The following OGT variants were observed in gnomAD, a reference collection of about 807,000 sequenced individuals.
The protein encoded by OGT is UDP-N-acetylglucosamine--peptide N-acetylglucosaminyltransferase 110 kDa subunit.
OGT carries 3 observed loss-of-function variants against 75.8 expected under a neutral mutation model. That is an observed-to-expected ratio of 0.04 (90% CI 0.02 to 0.10). The LOEUF (loss-of-function observed/expected upper bound fraction) is 0.10, where lower values mean the gene tolerates loss of function less well. Among genes scored for constraint, OGT ranks in the 10% least tolerant of loss-of-function variants. The pLI is 1.00. For synonymous variants in OGT, 257 were observed against 289.7 expected, an observed-to-expected ratio of 0.89 and a Z score of 1.15; for missense variants, 260 against 824.4, an observed-to-expected ratio of 0.32 and a Z score of 8.38.
chrX:71,534,403 T>G (rs1319873413), intron 1 of OGT: 1 of 111,011 alleles, frequency 9.0e-6, no homozygotes, highest in Non-Finnish European at 1.9e-5. Flanking sequence ...AACCAAATTG[T>G]AGGAGTGTCC....
At chrX:71,571,061 A>G (rs1427790068) in intron 21 of OGT, among the ~76,000 whole-genome samples, 2 of 109,027 alleles carry the variant, frequency 1.8e-5, no homozygotes, top group Non-Finnish European at 3.8e-5. Flanking sequence ...TCGGCCTCCC[A>G]AAGTGGCGGG....
At chrX:71,547,559 A>C in intron 4 of OGT, 1 of 811,088 alleles carries the variant, frequency 1.2e-6, no homozygotes, top group Non-Finnish European at 1.5e-6. Flanking sequence ...AAAACATGAC[A>C]AGGGCCCGTA....
intron 2 of OGT, among the ~76,000 whole-genome samples, chrX:71,537,594 C>T (rs2040188186): frequency 1.8e-5 from 2 of 112,942 alleles, no homozygotes; most frequent in African/African-American, 6.4e-5. Flanking sequence ...TGAGCCACTG[C>T]GCCCAGCCAA....
chrX:71,553,258 A>T (rs910701860), intron 5 of OGT, among the ~76,000 whole-genome samples: 17 of 110,422 alleles, frequency 1.5e-4, no homozygotes, highest in African/African-American at 5.3e-4. Context: ...TGCCCGGCTA[A>T]TTTTTTGTAT....
Position 71,573,806 on chromosome X carries a change from A to G in OGT, c.*12A>G, listed in dbSNP as rs1377089287. The G allele has an allele frequency of 1.7e-6, 2 of 1,170,455 alleles. No homozygotes were observed. The highest frequency in any genetic ancestry group is 3.5e-5 in the African/African-American group (2 of 56,731). On this transcript the variant is annotated 3_prime_UTR_variant, in exon 22 of 22. Transcript: ENST00000373719. ...CTGAGTCAGCATAAATAAAGACTGC[A>G]CAGGAGAATTACCCCTATACCTGAG... is the stretch of plus-strand genomic sequence containing the variant.
intron 3 of OGT, among the ~76,000 whole-genome samples, chrX:71,542,114 C>CT (rs1023628358): frequency 1.8e-5 from 2 of 112,192 alleles, no homozygotes; most frequent in Non-Finnish European, 3.8e-5. Context: ...GATTCTATAT[C>CT]TTTTCCCTAT....
intron 14 of OGT, among the ~76,000 whole-genome samples, chrX:71,560,696 C>A (rs2040377371): frequency 9.0e-6 from 1 of 111,724 alleles, no homozygotes; most frequent in African/African-American, 3.3e-5. Context: ...TGCAGTATAG[C>A]TGTTGCTTCA....
chrX:71,544,685 A>T (rs1198770512), intron 4 of OGT, 50 bp downstream of exon 4: 2 of 1,026,706 alleles, frequency 1.9e-6, no homozygotes, highest in Non-Finnish European at 2.7e-6. Flanking sequence ...GAAAACTTGT[A>T]CTTTTTGCCA....
rs1393034082 is a variant in OGT at position 71,567,519 on chromosome X, A to G, written c.2609A>G (p.Asn870Ser). 1.7e-6 allele frequency: 2 copies of G among 1,168,735 alleles called. No individual in the cohort carries two copies. The highest frequency in any genetic ancestry group is 2.3e-6 in the Non-Finnish European group (2 of 868,017). The change falls in exon 20 of 22, where the codon AAT (asparagine) becomes AGT (serine). Residue 870 changes from asparagine (N) to serine (S), a missense_variant. This residue lies in a region of OGT where 79 missense variants were observed against 141.0 expected (regional missense o/e 0.56). Coordinates refer to ENST00000373719, the MANE Select transcript of OGT (RefSeq NM_181672.3). ...MWANILKRVPNSVLWLLRFPA... is the reference protein window; with the variant it reads ...MWANILKRVPSSVLWLLRFPA... ...TTTTAGATTCTGAAGCGTGTTCCCA[A>G]TAGTGTACTCTGGCTGTTGCGTTTT... is the stretch of plus-strand genomic sequence containing the variant.
Position 71,537,752 on chromosome X carries a change from G to GT in OGT, c.219-74dup. The GT allele has an allele frequency of 2.7e-6, 3 of 1,119,528 alleles. No individual in the cohort carries two copies. The African/African-American group carries it at 5.4e-5, about 20-fold the overall frequency. 92.3% of individuals were successfully genotyped at this position (1,119,528 alleles called of 1,213,427 possible). A position where few individuals can be genotyped will look rare whatever the true frequency, so the allele number is the denominator to read the frequency against. On this transcript the variant is annotated intron_variant, in intron 2 of 21. Coordinates refer to ENST00000373719, the MANE Select transcript of OGT (RefSeq NM_181672.3). ...TGAGCAATAGCACAGATCTCAAACTGTTTGAGTTGCATATGGGCCATACCT... is the reference window on the plus strand; with the variant it reads ...TGAGCAATAGCACAGATCTCAAACTGTTTTGAGTTGCATATGGGCCATACCT...
chrX:71,533,155 G>A lies in OGT; in HGVS notation c.-145G>A, dbSNP rs914569178. 1.5e-5 allele frequency: 8 copies of A among 542,199 alleles called. No homozygotes were observed. Among genetic ancestry groups the A allele is most frequent in the African/African-American group, 9.1e-5 (4 of 43,759 alleles). The allele number at this position is 542,199 out of a possible 1,213,427, so 44.7% of individuals were successfully genotyped here. ...TCAATTAGAGTTCCCAGGGTTTGAA[G>A]CCTGTAACTGCTGCCGCCGCTCAAG... On this transcript the variant is annotated 5_prime_UTR_variant, in exon 1 of 22. Coordinates refer to ENST00000373719, the MANE Select transcript of OGT (RefSeq NM_181672.3).
chrX:71,541,227 A>G (rs776318684), intron 3 of OGT, among the ~76,000 whole-genome samples: 25 of 112,066 alleles, frequency 2.2e-4, no homozygotes, highest in Non-Finnish European at 3.9e-4. Flanking sequence ...CATCCTGGCC[A>G]TCATGTGTGT....
chrX:71,545,316 G>A (rs2040251856), intron 4 of OGT: 1 of 111,657 alleles, frequency 9.0e-6, no homozygotes, highest in Non-Finnish European at 1.9e-5. Context: ...AAGGTCAGAA[G>A]GACAAAGCTG....
intron 1 of OGT, among the ~76,000 whole-genome samples, chrX:71,534,684 A>G (rs5936630): frequency 0.17 from 18,981 of 110,588 alleles, 1,523 homozygotes; most frequent in East Asian, 0.46. Flanking sequence ...AAGATTCTGT[A>G]CTGGATTCTG....
intron 21 of OGT, among the ~76,000 whole-genome samples, chrX:71,572,971 G>A (rs1242378486): frequency 9.0e-6 from 1 of 111,188 alleles, no homozygotes; most frequent in Non-Finnish European, 1.9e-5. Context: ...CCATACTCTT[G>A]GTGATATTAG....
intron 13 of OGT, 59 bp from the exon 14 acceptor site, chrX:71,559,527 AAG>A: frequency 1.7e-6 from 2 of 1,157,212 alleles, no homozygotes; most frequent in Non-Finnish European, 2.3e-6. Flanking sequence ...GTCTTTTGGA[AAG>A]ATTTGAGCCA....
intron 21 of OGT, among the ~76,000 whole-genome samples, chrX:71,571,091 C>T (rs2040455527): frequency 1.8e-5 from 2 of 109,991 alleles, no homozygotes; most frequent in South Asian, 3.9e-4. Context: ...GCGTGAGACA[C>T]TGCACCCAGC....
chrX:71,557,865 G>T (rs1011240335), intron 12 of OGT, among the ~76,000 whole-genome samples, 193 bp downstream of exon 12: 1 of 111,502 alleles, frequency 9.0e-6, no homozygotes. Flanking sequence ...TTCATAAGAC[G>T]GAATCCTTAA....
chrX:71,547,892 T>C lies in OGT; in HGVS notation c.532-15T>C. ...CTCCTTTCCCTCCCATCTTCTTTCA[T>C]TAACCCCTCCTAAGGCATGTTATTT... On this transcript the variant is annotated splice_polypyrimidine_tract_variant and intron_variant, in intron 4 of 21. Coordinates refer to ENST00000373719, the MANE Select transcript of OGT (RefSeq NM_181672.3). 8 of 1,158,097 alleles carry C rather than the reference T, an allele frequency of 6.9e-6. No homozygotes were observed. The highest frequency in any genetic ancestry group is 9.3e-6 in the Non-Finnish European group (8 of 862,018).
Sources: gnomAD v4.1 joint callset for allele counts (sites outside exome capture counted in the v4.1 genomes callset) on GRCh38, gnomAD v4.1.1 for gene constraint, gnomAD v4.1.1 regional missense constraint, MANE v1.5 for transcripts, NCBI Gene and HGNC (gene_info 2026-07-23, HGNC 2026-07-21) for gene names.